The following NCOA3 variants were observed in gnomAD, a reference collection of about 807,000 sequenced individuals.
The protein encoded by NCOA3 is CBP-interacting protein.
A neutral mutation model predicts 158.8 loss-of-function variants in NCOA3; 51 were observed. The ratio of observed to expected loss-of-function variants is 0.32; its 90% CI spans 0.26 to 0.41. NCOA3 has a LOEUF of 0.41. NCOA3 is among the 10% of genes least tolerant of loss of function. The probability of loss-of-function intolerance (pLI) is 1.00; values close to 1 mark genes in which losing one functional copy is unlikely to be tolerated. For missense variants in NCOA3, 1,510 were observed against 1,746.6 expected, an observed-to-expected ratio of 0.86 and a Z score of 2.41; for synonymous variants, 537 against 592.4, an observed-to-expected ratio of 0.91 and a Z score of 1.36.
chr20:47,652,456 A>G lies in NCOA3; in HGVS notation c.3997A>G (p.Asn1333Asp). The G allele has an allele frequency of 6.2e-7, 1 of 1,613,994 alleles. No homozygotes were observed. The highest frequency in any genetic ancestry group is 1.1e-5 in the South Asian group (1 of 91,078). The change falls in exon 21 of 23, where the codon AAT becomes GAT. Residue 1333 changes from asparagine to aspartate, a missense_variant. By Grantham distance (23) the Asn-to-Asp change is conservative. This residue lies in a region of NCOA3 where 180 missense variants were observed against 199.3 expected (regional missense o/e 0.90). Coordinates refer to ENST00000371998, the MANE Select transcript of NCOA3 (RefSeq NM_181659.3). ...CTTTGGTCGAGTGTCTAGTCCTCCC[A>G]ATGCAATGATGTCGTCAAGAATGGG... ...PAFGRVSSPP[N>D]AMMSSRMGPS...
intron 1 of NCOA3, among the ~76,000 whole-genome samples, chr20:47,567,190 G>C (rs1056654740): frequency 6.6e-6 from 1 of 151,772 alleles, no homozygotes; most frequent in Admixed American, 6.6e-5. Flanking sequence ...TGGGACTACA[G>C]GTGTGCACCA....
rs75730157 is a variant in NCOA3, at chr20:47,503,438, C to T, written c.-99+1419C>T. Among the ~76,000 whole-genome samples, 5 of 152,312 alleles carry T rather than the reference C, an allele frequency of 3.3e-5. No homozygotes were observed. In the East Asian group the frequency reaches 9.6e-4, roughly 29 times the overall value. ...TACAAACACATTGAAAAGTGAATCT[C>T]TCTTTCACGCCAAACCCTACAGTTT... On this transcript the variant is annotated intron_variant, in intron 1 of 22. Coordinates refer to ENST00000371998, the MANE Select transcript of NCOA3 (RefSeq NM_181659.3).
At chr20:47,572,536 C>G (rs72662708) in intron 1 of NCOA3, among the ~76,000 whole-genome samples, 10,330 of 151,740 alleles carry the variant, frequency 0.068, 456 homozygotes, top group Non-Finnish European at 0.097. Flanking sequence ...CTAGCCCCCC[C>G]CACCTGCCTT....
At chr20:47,509,581 A>G (rs536170424) in intron 1 of NCOA3, among the ~76,000 whole-genome samples, 69 of 152,260 alleles carry the variant, frequency 4.5e-4, no homozygotes, top group Non-Finnish European at 7.1e-4. Flanking sequence ...TGGAGTAGCT[A>G]TATCAGCTTG....
intron 2 of NCOA3, among the ~76,000 whole-genome samples, chr20:47,600,169 TA>T (rs1285436954): frequency 3.5e-5 from 5 of 141,844 alleles, no homozygotes; most frequent in African/African-American, 5.7e-5. Context: ...TATATATATA[TA>T]TTTTTTTATT....
chr20:47,573,202 C>T (rs1332630090), intron 1 of NCOA3, among the ~76,000 whole-genome samples: 3 of 152,084 alleles, frequency 2.0e-5, no homozygotes, highest in Non-Finnish European at 4.4e-5. Context: ...AATTCAAGAC[C>T]AGCCTGACCA....
intron 2 of NCOA3, among the ~76,000 whole-genome samples, chr20:47,610,679 G>A (rs569062473): frequency 5.3e-5 from 8 of 152,284 alleles, no homozygotes; most frequent in South Asian, 4.1e-4. Flanking sequence ...CAGACTTGCC[G>A]TGTCGTGTTG....
Position 47,642,334 on chromosome 20 carries a change from G to A in NCOA3, c.3202G>A (p.Gly1068Ser). The A allele has an allele frequency of 8.1e-6, 13 of 1,610,680 alleles. No homozygotes were observed. The highest frequency in any genetic ancestry group is 1.1e-5 in the Non-Finnish European group (13 of 1,179,152). The change falls in exon 17 of 23, where the codon GGC becomes AGC. Residue 1068 changes from glycine (G) to serine (S), a missense_variant. By Grantham distance (56) the Gly-to-Ser change is moderately conservative. Coordinates refer to ENST00000371998, the MANE Select transcript of NCOA3 (RefSeq NM_181659.3). The stretch of plus-strand genomic sequence containing the variant: ...TCTTCTCAGCAACACAGATGCCACA[G>A]GCCTGGAAGAAATTGACAGAGCTTT... Reference protein sequence around the residue: ...HTLLSNTDATGLEEIDRALGI... With the variant: ...HTLLSNTDATSLEEIDRALGI...
At chr20:47,633,983 T>C in intron 9 of NCOA3, 65 bp from the exon 10 acceptor site, 1 of 1,569,962 alleles carries the variant, frequency 6.4e-7, no homozygotes, top group South Asian at 1.1e-5. Flanking sequence ...TTCCTCCCTG[T>C]CCCCTCCTAT....
At chr20:47,603,790 G>A (rs12479756) in intron 2 of NCOA3, among the ~76,000 whole-genome samples, 19,311 of 152,144 alleles carry the variant, frequency 0.13, 1,671 homozygotes, top group African/African-American at 0.23. Flanking sequence ...TTTCTCTGCC[G>A]TGCCATTCTG....
At position 47,622,222 on chromosome 20, in the gene NCOA3, C is replaced by T. The variant is rs377453860; in HGVS notation, c.-19-7C>T. On this transcript the variant is annotated splice_region_variant and splice_polypyrimidine_tract_variant and intron_variant, in intron 2 of 22. Transcript: ENST00000371998. ...TACTTATCTTATTTCTCATTATTCT[C>T]TCTTAGTTGCTGATGTATATTCAAG... 7.1e-7 allele frequency: 1 copy of T among 1,417,180 alleles called. No individual in the cohort carries two copies. The highest frequency in any genetic ancestry group is 1.4e-5 in the African/African-American group (1 of 70,516). 87.8% of individuals were successfully genotyped at this position (1,417,180 alleles called of 1,614,324 possible). A position where few individuals can be genotyped will look rare whatever the true frequency, so the allele number is the denominator to read the frequency against.
chr20:47,533,143 C>CGTG (rs1276211140), intron 1 of NCOA3, among the ~76,000 whole-genome samples: 2 of 140,930 alleles, frequency 1.4e-5, no homozygotes, highest in Non-Finnish European at 3.0e-5. Flanking sequence ...ATTAACCGGG[C>CGTG]GTGGTGGCAG....
chr20:47,531,400 A>G (rs2084544838), intron 1 of NCOA3, among the ~76,000 whole-genome samples: 2 of 152,122 alleles, frequency 1.3e-5, no homozygotes, highest in Admixed American at 6.6e-5. Context: ...ATATAAATGA[A>G]CCTTTAAACT....
intron 1 of NCOA3, among the ~76,000 whole-genome samples, chr20:47,561,299 CTT>C (rs34668605): frequency 8.5e-5 from 10 of 117,702 alleles, no homozygotes; most frequent in Admixed American, 1.8e-4. Flanking sequence ...TTCAAGTTGA[CTT>C]TTTTTTTTTT....
Position 47,635,416 on chromosome 20 carries a change from A to G in NCOA3, c.1207A>G (p.Met403Val). The change falls in exon 11 of 23, where the codon ATG becomes GTG. Residue 403 changes from methionine (M) to valine (V), a missense_variant. Transcript: ENST00000371998. ...GCNSSVGGMS[M>V]SPNQGLQMPS... Reference sequence around the variant, plus strand: ...CAACAGTTCGGTAGGCGGCATGAGTATGTCGCCAAACCAAGGCTTACAGAT... The same window carrying G: ...CAACAGTTCGGTAGGCGGCATGAGTGTGTCGCCAAACCAAGGCTTACAGAT... 1 of 1,614,078 alleles carries G rather than the reference A, an allele frequency of 6.2e-7. No homozygotes were observed. The highest frequency in any genetic ancestry group is 8.5e-7 in the Non-Finnish European group (1 of 1,180,046).
chr20:47,633,446 A>C (rs1212696329), intron 8 of NCOA3, 50 bp from the exon 9 acceptor site: 2 of 1,540,090 alleles, frequency 1.3e-6, no homozygotes, highest in African/African-American at 2.8e-5. Context: ...GCAGCCAGTA[A>C]ATACTTGTGG....
chr20:47,516,527 G>C (rs2084236512), intron 1 of NCOA3, among the ~76,000 whole-genome samples: 1 of 152,026 alleles, frequency 6.6e-6, no homozygotes. Context: ...TTAGAAAGAT[G>C]GTGGTTGAAA....
chr20:47,532,794 A>G (rs975296465), intron 1 of NCOA3, among the ~76,000 whole-genome samples: 5 of 151,896 alleles, frequency 3.3e-5, no homozygotes, highest in African/African-American at 1.2e-4. Context: ...TTTTAATTGT[A>G]TTTTTGGTTA....
chr20:47,519,387 G>A (rs1316059037), intron 1 of NCOA3, among the ~76,000 whole-genome samples: 1 of 151,448 alleles, frequency 6.6e-6, no homozygotes, highest in South Asian at 2.1e-4. Flanking sequence ...AGTCAAGACT[G>A]CACCATTGTA....
Sources: gnomAD v4.1 joint callset for allele counts (sites outside exome capture counted in the v4.1 genomes callset) on GRCh38, gnomAD v4.1.1 for gene constraint, gnomAD v4.1.1 regional missense constraint, MANE v1.5 for transcripts, NCBI Gene and HGNC (gene_info 2026-07-23, HGNC 2026-07-21) for gene names.